MEGF11: variants seen among roughly 807,000 people sequenced by gnomAD.
MEGF11 encodes multiple EGF like domains 11, also known as multiple epidermal growth factor-like domains protein 11.
A neutral mutation model predicts 146.6 loss-of-function variants in MEGF11; 126 were observed. The observed-to-expected ratio is 0.86, with a 90% CI of 0.74 to 1.00. The LOEUF is 1.00. Ranked by LOEUF, MEGF11 falls within the 50% of genes least tolerant of loss-of-function variation. The pLI, the probability that MEGF11 is intolerant of heterozygous loss-of-function variation, is 0.00. For synonymous variants in MEGF11, 532 were observed against 583.4 expected, an observed-to-expected ratio of 0.91 and a Z score of 1.27; for missense variants, 1,509 against 1,521.2, an observed-to-expected ratio of 0.99 and a Z score of 0.13.
intron 9 of MEGF11, among the ~76,000 whole-genome samples, chr15:65,961,179 G>A (rs2080845435): frequency 6.6e-6 from 1 of 152,162 alleles, no homozygotes; most frequent in Non-Finnish European, 1.5e-5. Context: ...CTTCTTCCTG[G>A]TGGTGGTCCC....
chr15:65,970,910 T>C (rs1010037069), intron 7 of MEGF11: 7 of 582,962 alleles, frequency 1.2e-5, no homozygotes, highest in African/African-American at 1.1e-4. Flanking sequence ...GAACTGCCTA[T>C]TGTATACGAG....
At chr15:65,933,977 C>G (rs1431987156) in intron 10 of MEGF11, among the ~76,000 whole-genome samples, 2 of 152,326 alleles carry the variant, frequency 1.3e-5, no homozygotes, top group East Asian at 3.9e-4. Context: ...GATATAGCAT[C>G]TCTTAGGGAA....
At chr15:65,914,358 A>G (rs1043750396) in intron 19 of MEGF11, among the ~76,000 whole-genome samples, 2 of 152,220 alleles carry the variant, frequency 1.3e-5, no homozygotes, top group Non-Finnish European at 2.9e-5. Flanking sequence ...TACATAACCT[A>G]TAATTGGCGG....
At chr15:66,152,062 C>T (rs953758879) in intron 1 of MEGF11, among the ~76,000 whole-genome samples, 21 of 152,256 alleles carry the variant, frequency 1.4e-4, no homozygotes, top group Admixed American at 1.2e-3. Flanking sequence ...GCCTCTCCTC[C>T]TACTTCCTGG....
chr15:66,005,141 G>C (rs1467262562), intron 5 of MEGF11, among the ~76,000 whole-genome samples: 1 of 152,270 alleles, frequency 6.6e-6, no homozygotes, highest in South Asian at 2.1e-4. Flanking sequence ...TAATTTCCAG[G>C]ATATCCTGGT....
chr15:66,072,314 G>A (rs772660746), intron 5 of MEGF11, among the ~76,000 whole-genome samples: 6 of 152,192 alleles, frequency 3.9e-5, no homozygotes, highest in Non-Finnish European at 7.4e-5. Context: ...GCTCCTCCTT[G>A]CATTCAAGTC....
intron 10 of MEGF11, among the ~76,000 whole-genome samples, chr15:65,937,137 A>G (rs550045624): frequency 1.6e-4 from 25 of 152,222 alleles, no homozygotes; most frequent in Non-Finnish European, 3.2e-4. Flanking sequence ...TGGGACTTGC[A>G]GGCCACTGCT....
At chr15:66,181,527 A>C (rs11071866) in intron 1 of MEGF11, among the ~76,000 whole-genome samples, 19,896 of 151,654 alleles carry the variant, frequency 0.13, 1,651 homozygotes, top group Non-Finnish European at 0.19. Flanking sequence ...CTTCTACTAT[A>C]ACTTCTACTA....
chr15:65,991,504 C>T (rs2082042803), intron 5 of MEGF11, among the ~76,000 whole-genome samples: 1 of 152,166 alleles, frequency 6.6e-6, no homozygotes, highest in Non-Finnish European at 1.5e-5. Context: ...CCATCCTGTG[C>T]ATTGCAGGGC....
At chr15:66,199,770 C>G (rs2091104317) in intron 1 of MEGF11, among the ~76,000 whole-genome samples, 1 of 152,000 alleles carries the variant, frequency 6.6e-6, no homozygotes, top group Admixed American at 6.6e-5. Context: ...GCCTGGGCAA[C>G]AGAATCAGAC....
rs1346488369 is a variant in MEGF11, at chr15:65,929,895, G to A, written c.1409-12C>T. ...CAGGCCCTGCCACCCTGAGGGGAGGGAAAGGGACTGTCACTTCTCCATCCA... is the reference window on the plus strand; with the variant it reads ...CAGGCCCTGCCACCCTGAGGGGAGGAAAAGGGACTGTCACTTCTCCATCCA... On this transcript the variant is annotated splice_polypyrimidine_tract_variant and intron_variant, in intron 11 of 25. Transcript: ENST00000395614. 1.3e-6 allele frequency: 2 copies of A among 1,590,080 alleles called. No homozygotes were observed. Among genetic ancestry groups the A allele is most frequent in the Admixed American group, 1.8e-5 (1 of 57,010 alleles).
rs549044192 is a variant in MEGF11, at chr15:66,231,529, G to A, written c.-9+22076C>T. Among the ~76,000 whole-genome samples, 184 of 152,234 alleles carry A rather than the reference G, an allele frequency of 1.2e-3. 1 individual carries two copies. Among genetic ancestry groups the A allele is most frequent in the African/African-American group, 4.3e-3 (178 of 41,534 alleles). ...TCATTCTGAAGAAGGGAGAGGAGCT[G>A]TTTTTCCTACACAGGCTGCCCCTGA... On this transcript the variant is annotated intron_variant, in intron 1 of 25. Coordinates refer to ENST00000395614, the MANE Select transcript of MEGF11 (RefSeq NM_001385028.1).
intron 1 of MEGF11, among the ~76,000 whole-genome samples, chr15:66,246,298 G>A (rs2899716): frequency 0.16 from 24,421 of 151,944 alleles, 3,135 homozygotes; most frequent in African/African-American, 0.35. Context: ...AAAGCAAGTC[G>A]ATGCTTGAGT....
rs1403883442 is a variant in MEGF11 at position 65,980,596 on chromosome 15, G to A, written c.762+182C>T. 2.0e-5 allele frequency among the ~76,000 whole-genome samples: 3 copies of A among 152,082 alleles called. No homozygotes were observed. In the South Asian group the frequency reaches 6.3e-4, roughly 32 times the overall value. ...GTATTTTTAGTAGAGATGGGGTTTC[G>A]CCATGTTGGCCAGGCTGGTCTCAAA... On this transcript the variant is annotated intron_variant, in intron 7 of 25. Coordinates refer to ENST00000395614, the MANE Select transcript of MEGF11 (RefSeq NM_001385028.1).
intron 24 of MEGF11, among the ~76,000 whole-genome samples, chr15:65,899,213 TATTTA>T (rs2078432130): frequency 6.6e-6 from 1 of 152,240 alleles, no homozygotes; most frequent in Admixed American, 6.5e-5. Context: ...CTTTGACATG[TATTTA>T]ATTTTTGTAA....
At chr15:66,133,013 C>G (rs2088718764) in intron 1 of MEGF11, among the ~76,000 whole-genome samples, 1 of 152,338 alleles carries the variant, frequency 6.6e-6, no homozygotes, top group East Asian at 1.9e-4. Context: ...ACCCCAACCT[C>G]TCAACCATCC....
chr15:66,124,762 A>G (rs74021626), intron 2 of MEGF11, among the ~76,000 whole-genome samples: 37,832 of 152,228 alleles, frequency 0.25, 4,908 homozygotes, highest in African/African-American at 0.32. Flanking sequence ...TGGAAGCCAC[A>G]GGGAAGCAGA....
intron 5 of MEGF11, among the ~76,000 whole-genome samples, chr15:66,062,472 A>G (rs1200116980): frequency 3.3e-5 from 5 of 152,172 alleles, no homozygotes; most frequent in African/African-American, 4.8e-5. Context: ...GACAGCCTGC[A>G]GGAGGATGGG....
chr15:66,122,894 T>C (rs918758459), intron 3 of MEGF11, among the ~76,000 whole-genome samples: 22 of 152,274 alleles, frequency 1.4e-4, no homozygotes, highest in African/African-American at 2.6e-4. Flanking sequence ...TGCCATTCTC[T>C]TGCCTCAGCC....
Sources: allele counts gnomAD v4.1 joint callset (sites outside exome capture counted in the v4.1 genomes callset), GRCh38; gene constraint gnomAD v4.1.1; transcripts MANE v1.5; gene names NCBI Gene and HGNC (gene_info 2026-07-23, HGNC 2026-07-21).